Variants in PTGIS observed in about 807,000 individuals in gnomAD.
PTGIS encodes the protein prostaglandin I2 synthase.
PTGIS carries 45 observed loss-of-function variants against 50.3 expected under a neutral mutation model. The observed-to-expected ratio is 0.90, with a 90% CI of 0.70 to 1.15. PTGIS has a LOEUF of 1.15. PTGIS is among the 50% of genes most tolerant of loss of function. The pLI, the probability that PTGIS is intolerant of heterozygous loss-of-function variation, is 0.00. For synonymous variants in PTGIS, 260 were observed against 267.7 expected, an observed-to-expected ratio of 0.97 and a Z score of 0.28; for missense variants, 668 against 661.3, an observed-to-expected ratio of 1.01 and a Z score of -0.11.
chr20:49,541,381 G>A (rs1437399028), intron 4 of PTGIS, among the ~76,000 whole-genome samples: 1 of 152,048 alleles, frequency 6.6e-6, no homozygotes, highest in African/African-American at 2.4e-5. Context: ...TGCTAACTCA[G>A]AGAACCATTT....
intron 6 of PTGIS, among the ~76,000 whole-genome samples, chr20:49,516,543 C>A (rs543080523): frequency 6.6e-6 from 1 of 152,288 alleles, no homozygotes; most frequent in Non-Finnish European, 1.5e-5. Context: ...GCTCATGTTA[C>A]AATATTAAAC....
rs145078925 is a variant in PTGIS at position 49,559,565 on chromosome 20, G to A, written c.74+8478C>T. 3.7e-4 allele frequency among the ~76,000 whole-genome samples: 57 copies of A among 152,258 alleles called. 1 individual carries two copies. The East Asian group carries it at 0.011, about 28-fold the overall frequency. ...ACAACTCAAGTGTTCGTTGAGTGAC[G>A]AACGGATAAACAGAATGTGGTGTAT... On this transcript the variant is annotated intron_variant, in intron 1 of 9. Coordinates refer to ENST00000244043, the MANE Select transcript of PTGIS (RefSeq NM_000961.4).
chr20:49,558,701 A>G lies in PTGIS; in HGVS notation c.75-8512T>C, dbSNP rs1359604782. ...GACTTGCTGGGCTGCAATCCCAAGA[A>G]GAAGTTAGACAATTTTTTTTTTTTT... On this transcript the variant is annotated intron_variant, in intron 1 of 9. Transcript: ENST00000244043. 5.0e-5 allele frequency among the ~76,000 whole-genome samples: 7 copies of G among 140,176 alleles called. No homozygotes were observed. In the East Asian group the frequency reaches 1.2e-3, roughly 25 times the overall value. The allele number at this position is 140,176 out of a possible 152,430, so 92.0% of individuals were successfully genotyped here.
chr20:49,533,116 C>G (rs1467307955), intron 5 of PTGIS, among the ~76,000 whole-genome samples: 2 of 152,098 alleles, frequency 1.3e-5, no homozygotes, highest in Non-Finnish European at 2.9e-5. Flanking sequence ...CCTCAGTCTC[C>G]TCATCCAAAA....
chr20:49,566,853 C>T (rs1601210104), intron 1 of PTGIS, among the ~76,000 whole-genome samples: 1 of 152,114 alleles, frequency 6.6e-6, no homozygotes, highest in East Asian at 1.9e-4. Context: ...GATAAAATCC[C>T]GTGAAGTTTG....
chr20:49,522,314 C>CTG (rs1284929969), intron 6 of PTGIS, among the ~76,000 whole-genome samples: 1 of 152,140 alleles, frequency 6.6e-6, no homozygotes, highest in Non-Finnish European at 1.5e-5. Flanking sequence ...GGAGGCCTCC[C>CTG]TGACCACCCC....
At chr20:49,558,232 T>G (rs982357227) in intron 1 of PTGIS, among the ~76,000 whole-genome samples, 1 of 151,940 alleles carries the variant, frequency 6.6e-6, no homozygotes, top group Non-Finnish European at 1.5e-5. Context: ...CTACAAAAAA[T>G]ACAAAAATTA....
chr20:49,527,401 G>T (rs1300986848), intron 5 of PTGIS, among the ~76,000 whole-genome samples: 1 of 152,126 alleles, frequency 6.6e-6, no homozygotes, highest in Non-Finnish European at 1.5e-5. Context: ...AGATTGTAGT[G>T]AGCTGAGATG....
At chr20:49,536,478 CTTTT>C (rs761478359) in intron 5 of PTGIS, among the ~76,000 whole-genome samples, 17 of 108,674 alleles carry the variant, frequency 1.6e-4, no homozygotes, top group East Asian at 7.2e-4. Flanking sequence ...TTCTTTCTTT[CTTTT>C]TTTTTTTTTT....
At chr20:49,531,342 A>G (rs1432294210) in intron 5 of PTGIS, among the ~76,000 whole-genome samples, 1 of 152,184 alleles carries the variant, frequency 6.6e-6, no homozygotes, top group Non-Finnish European at 1.5e-5. Context: ...GGCCCTGCAG[A>G]TGAGCAAAGC....
intron 6 of PTGIS, among the ~76,000 whole-genome samples, chr20:49,518,325 T>C (rs953629958): frequency 1.3e-5 from 2 of 152,224 alleles, no homozygotes; most frequent in African/African-American, 4.8e-5. Context: ...GGGAGATCCC[T>C]GCACCTTTCC....
In PTGIS at chr20:49,507,851, G is replaced by A. The variant is rs1981194245; in HGVS notation, c.*69C>T. The A allele has an allele frequency of 6.3e-7, 1 of 1,595,440 alleles. No individual in the cohort carries two copies. The highest frequency in any genetic ancestry group is 1.3e-5 in the African/African-American group (1 of 74,818). The stretch of plus-strand genomic sequence containing the variant: ...CCCGGGCCAACTGTGCACACAGAAA[G>A]CTGGGAGGCTGGGGCAGGCTGGGGC... On this transcript the variant is annotated 3_prime_UTR_variant, in exon 10 of 10. Coordinates refer to ENST00000244043, the MANE Select transcript of PTGIS (RefSeq NM_000961.4).
At chr20:49,541,807 G>C (rs1366427884) in intron 4 of PTGIS, among the ~76,000 whole-genome samples, 1 of 152,216 alleles carries the variant, frequency 6.6e-6, no homozygotes, top group Non-Finnish European at 1.5e-5. Context: ...ACAAGGTTTT[G>C]CTCTGTGGAA....
intron 1 of PTGIS, among the ~76,000 whole-genome samples, chr20:49,565,022 G>A (rs1302523927): frequency 6.7e-6 from 1 of 149,882 alleles, no homozygotes; most frequent in Non-Finnish European, 1.5e-5. Context: ...CCAGGCTGGA[G>A]TGCAGTGGCA....
At chr20:49,544,167 C>G in intron 4 of PTGIS, 138 bp downstream of exon 4, 1 of 1,178,176 alleles carries the variant, frequency 8.5e-7, no homozygotes, top group Non-Finnish European at 1.2e-6. Flanking sequence ...TGGCGTCTTT[C>G]CTACAGTCTT....
intron 1 of PTGIS, among the ~76,000 whole-genome samples, chr20:49,557,749 T>A (rs1286163979): frequency 7.2e-5 from 11 of 152,180 alleles, no homozygotes. Flanking sequence ...AGTTTCAGTA[T>A]CTCCATAGGC....
At position 49,508,040 on chromosome 20, in the gene PTGIS, G is replaced by A. The variant is rs1241636659; in HGVS notation, c.1383C>T (p.His461=). 2 of 1,613,940 alleles carry A rather than the reference G, an allele frequency of 1.2e-6. No individual in the cohort carries two copies. The highest frequency in any genetic ancestry group is 2.2e-5 in the South Asian group (2 of 91,084). ...IKQFVFLVLV[H]LDLELINADV... ...CTGCGTTGATCAGCTCCAAGTCCAAGTGCACCAGCACAAGGAACACAAATC... is the reference window on the plus strand; with the variant it reads ...CTGCGTTGATCAGCTCCAAGTCCAAATGCACCAGCACAAGGAACACAAATC... The change falls in exon 10 of 10, where the codon CAC becomes CAT. Residue 461 remains histidine (H), a synonymous_variant. Transcript: ENST00000244043.
rs1358998613 is a variant in PTGIS, at chr20:49,514,145, CAG to C, written c.1024+80_1024+81del. 3 of 1,545,060 alleles carry C rather than the reference CAG, an allele frequency of 1.9e-6. No homozygotes were observed. In the East Asian group the frequency reaches 6.7e-5, roughly 35 times the overall value. On this transcript the variant is annotated intron_variant, in intron 7 of 9. Coordinates refer to ENST00000244043, the MANE Select transcript of PTGIS (RefSeq NM_000961.4). ...GGACACACTGATGGACCCTGGAAGA[CAG>C]GAGTCCATGTTGGGGAGGGCTTTGG...
intron 1 of PTGIS, among the ~76,000 whole-genome samples, chr20:49,559,312 T>C (rs1008386248): frequency 2.6e-4 from 40 of 152,186 alleles, no homozygotes; most frequent in African/African-American, 9.4e-4. Context: ...AGAAGAATTG[T>C]AACTAAGGCA....
Sources: allele counts gnomAD v4.1 joint callset (sites outside exome capture counted in the v4.1 genomes callset), GRCh38; gene constraint gnomAD v4.1.1; transcripts MANE v1.5; gene names NCBI Gene and HGNC (gene_info 2026-07-23, HGNC 2026-07-21).